Variants in NRAP observed in about 807,000 individuals in gnomAD.
The protein encoded by NRAP is nebulin related anchoring protein, also known as nebulin-related-anchoring protein.
A neutral mutation model predicts 225.9 loss-of-function variants in NRAP; 189 were observed. The ratio of observed to expected loss-of-function variants is 0.84; its 90% CI spans 0.74 to 0.94. The LOEUF is 0.94. NRAP is among the 40% of genes least tolerant of loss of function. The probability of loss-of-function intolerance (pLI) is 0.00; values close to 1 mark genes in which losing one functional copy is unlikely to be tolerated. For missense variants in NRAP, 2,176 were observed against 2,168.7 expected, an observed-to-expected ratio of 1.00 and a Z score of -0.07; for synonymous variants, 769 against 790.7, an observed-to-expected ratio of 0.97 and a Z score of 0.46.
rs371768796 is a variant in NRAP, at chr10:113,612,222, A to G, written c.3498+12T>C. On this transcript the variant is annotated intron_variant, in intron 30 of 41. Coordinates refer to ENST00000359988, the MANE Select transcript of NRAP (RefSeq NM_198060.4). ...AAGAAGGGGCCCTGAGAAAGAGGCC[A>G]GGTCTCCTTACCTCACTCTGCAATT... 6.2e-7 allele frequency: 1 copy of G among 1,612,704 alleles called. No individual in the cohort carries two copies. Among genetic ancestry groups the G allele is most frequent in the Non-Finnish European group, 8.5e-7 (1 of 1,178,790 alleles).
In NRAP at chr10:113,662,600, T is replaced by C. The variant is rs1327018890; in HGVS notation, c.255+79A>G. On this transcript the variant is annotated intron_variant, in intron 3 of 41. Transcript: ENST00000359988. ...ACTGTGCCTGGCTAGAATATATTCC[T>C]TTTATCTATTTGCATGTTTCTACCC... 5.9e-6 allele frequency: 5 copies of C among 851,154 alleles called. No homozygotes were observed. In the Admixed American group the frequency reaches 9.0e-5, roughly 15 times the overall value. The allele number at this position is 851,154 out of a possible 1,614,324, so 52.7% of individuals were successfully genotyped here.
At chr10:113,606,929 G>A (rs550027834) in intron 32 of NRAP, among the ~76,000 whole-genome samples, 2 of 152,236 alleles carry the variant, frequency 1.3e-5, no homozygotes, top group African/African-American at 2.4e-5. Context: ...AGGGCCAGGC[G>A]TGGTGGTTCA....
In NRAP at chr10:113,620,618, C is replaced by A. The variant is rs201778237; in HGVS notation, c.2860G>T (p.Glu954Ter). 1 of 1,610,960 alleles carries A rather than the reference C, an allele frequency of 6.2e-7. No homozygotes were observed. Among genetic ancestry groups the A allele is most frequent in the East Asian group, 2.2e-5 (1 of 44,862 alleles). ...LNVEQAKKAG[E>*]LISEKKYRQH... Reference sequence around the variant, plus strand: ...GGAAATCTCACCTCGCTAATGAGTTCTCCTGCCTTCTTCGCCTGCTCCACA... The same window carrying A: ...GGAAATCTCACCTCGCTAATGAGTTATCCTGCCTTCTTCGCCTGCTCCACA... The change falls in exon 25 of 42, where the codon GAA becomes TAA. Residue 954 changes from glutamate (E) to a stop codon, truncating the protein, a stop_gained. Coordinates refer to ENST00000359988, the MANE Select transcript of NRAP (RefSeq NM_198060.4). LOFTEE classifies it high-confidence loss of function.
In NRAP at chr10:113,652,966, C is replaced by T. The variant is rs1850074755; in HGVS notation, c.539G>A (p.Arg180Lys). ...FPAMITPAYQ[R>K]AKKANQLASQ... ...GGCCAGCTGGTTGGCTTTCTTGGCC[C>T]TTTGATAAGCAGGTGTGATCATGGC... Residue 180 changes from arginine (R) to lysine (K), a missense_variant, in exon 6 of 42, where the codon AGG becomes AAG. By Grantham distance (26) the Arg-to-Lys change is conservative. Coordinates refer to ENST00000359988, the MANE Select transcript of NRAP (RefSeq NM_198060.4). The T allele has an allele frequency of 4.3e-6, 7 of 1,613,288 alleles. No homozygotes were observed. Among genetic ancestry groups the T allele is most frequent in the African/African-American group, 1.3e-5 (1 of 74,942 alleles).
intron 35 of NRAP, among the ~76,000 whole-genome samples, chr10:113,599,897 C>T (rs1046347008): frequency 2.0e-5 from 3 of 152,176 alleles, no homozygotes; most frequent in Non-Finnish European, 2.9e-5. Flanking sequence ...AAGACCTCTT[C>T]GGATTCACAC....
At position 113,633,106 on chromosome 10, in the gene NRAP, G is replaced by C. The variant is rs1041563210; in HGVS notation, c.1610C>G (p.Thr537Ser). 15 of 1,597,494 alleles carry C rather than the reference G, an allele frequency of 9.4e-6. No individual in the cohort carries two copies. In the East Asian group the frequency reaches 3.3e-4, roughly 36 times the overall value. Reference protein sequence around the residue: ...QDVPQLVKAKTNAKLFSEVKY... With the variant: ...QDVPQLVKAKSNAKLFSEVKY... ...TACCTCACTGAAGAGTTTGGCATTG[G>C]TTTTGGCCTTCACCAGCTGAGGAAC... is the stretch of plus-strand genomic sequence containing the variant. Residue 537 changes from threonine (T) to serine (S), a missense_variant, in exon 16 of 42, where the codon ACC (threonine) becomes AGC (serine). Thr to Ser is a moderately conservative substitution (Grantham distance 58, BLOSUM62 1). Around this residue, in one of 3 missense-constraint regions of NRAP, gnomAD observed 1,708 missense variants for 1,695.5 expected, o/e 1.01. Coordinates refer to ENST00000359988, the MANE Select transcript of NRAP (RefSeq NM_198060.4).
intron 11 of NRAP, among the ~76,000 whole-genome samples, chr10:113,643,956 A>G (rs1849352887): frequency 6.6e-6 from 1 of 152,126 alleles, no homozygotes; most frequent in South Asian, 2.1e-4. Context: ...CAGCCTGGCC[A>G]GCAGACGGGG....
intron 35 of NRAP, among the ~76,000 whole-genome samples, chr10:113,604,210 G>A (rs949452320): frequency 7.9e-5 from 12 of 152,204 alleles, no homozygotes; most frequent in Middle Eastern, 3.4e-3. Context: ...TCTGCCTCTC[G>A]GGTTCAAGCG....
At chr10:113,623,666 G>C in intron 22 of NRAP, 30 bp from the exon 23 acceptor site, 1 of 1,477,886 alleles carries the variant, frequency 6.8e-7, no homozygotes, top group Non-Finnish European at 9.4e-7. Context: ...AAGGTGAGTG[G>C]GTTTTCATGT....
chr10:113,605,979 G>A (rs1003242240), intron 33 of NRAP, 110 bp from the exon 34 acceptor site: 2 of 897,780 alleles, frequency 2.2e-6, no homozygotes, highest in African/African-American at 3.3e-5. Context: ...TCTGTTTTGT[G>A]CAGCAAATCT....
In NRAP at chr10:113,622,104, A is replaced by G. The variant is rs1442684735; in HGVS notation, c.2534T>C (p.Met845Thr). The change falls in exon 24 of 42, where the codon ATG becomes ACG. Residue 845 changes from methionine to threonine, a missense_variant. By Grantham distance (81) the Met-to-Thr change is moderately conservative. Transcript: ENST00000359988. ...GAKDVQGDSQMSHSLQMSKLQ... is the reference protein window; with the variant it reads ...GAKDVQGDSQTSHSLQMSKLQ... The stretch of plus-strand genomic sequence containing the variant: ...CTTGGACATTTGCAGTGAGTGGCTC[A>G]TTTGCGAATCTCCCTGTACATCTTT... The G allele has an allele frequency of 1.2e-6, 2 of 1,613,916 alleles. No homozygotes were observed. The highest frequency in any genetic ancestry group is 2.7e-5 in the African/African-American group (2 of 75,014).
intron 27 of NRAP, 122 bp downstream of exon 27, chr10:113,615,590 A>C (rs1438739357): frequency 1.4e-6 from 1 of 690,464 alleles, no homozygotes; most frequent in African/African-American, 1.8e-5. Context: ...ACATATTTCA[A>C]GGTGGTGATG....
At chr10:113,606,137 G>T in intron 33 of NRAP, 41 bp downstream of exon 33, 1 of 1,395,518 alleles carries the variant, frequency 7.2e-7, no homozygotes, top group Non-Finnish European at 1.0e-6. Flanking sequence ...GACATACATG[G>T]CTTTGGAGCA....
chr10:113,616,237 C>T (rs551875683), intron 26 of NRAP, among the ~76,000 whole-genome samples: 2 of 152,264 alleles, frequency 1.3e-5, no homozygotes, highest in South Asian at 2.1e-4. Context: ...TCCGTTCCCC[C>T]GTCTCAAATA....
At position 113,646,974 on chromosome 10, in the gene NRAP, C is replaced by T; in HGVS notation, c.942G>A (p.Met314Ile). ...TGGCGTTCTGATATGCTGGAGTGAT[C>T]ATAGCTGGGAAGCTGCCCTTTCCCC... The part of the protein sequence containing the change: ...EHRGKGSFPA[M>I]ITPAYQNAKK... The change falls in exon 10 of 42, where the codon ATG becomes ATA. Residue 314 changes from methionine (M) to isoleucine (I), a missense_variant. Met to Ile is a conservative substitution (Grantham distance 10, BLOSUM62 1). Around this residue, in one of 3 missense-constraint regions of NRAP, gnomAD observed 1,708 missense variants for 1,695.5 expected, o/e 1.01. Coordinates refer to ENST00000359988, the MANE Select transcript of NRAP (RefSeq NM_198060.4). 2 of 1,614,124 alleles carry T rather than the reference C, an allele frequency of 1.2e-6. No individual in the cohort carries two copies. The highest frequency in any genetic ancestry group is 1.7e-6 in the Non-Finnish European group (2 of 1,179,986).
chr10:113,629,975 C>T (rs901146030), intron 18 of NRAP, among the ~76,000 whole-genome samples, 190 bp from the exon 19 acceptor site: 4 of 152,164 alleles, frequency 2.6e-5, no homozygotes, highest in Non-Finnish European at 5.9e-5. Context: ...AGCTGAGGTT[C>T]CATACTACTT....
At chr10:113,657,620 A>G in intron 3 of NRAP, 46 bp from the exon 4 acceptor site, 1 of 1,123,786 alleles carries the variant, frequency 8.9e-7, no homozygotes. Context: ...CAGAAAAGAG[A>G]AAAAAACATA....
At chr10:113,656,547 T>C (rs1435993050) in intron 4 of NRAP, among the ~76,000 whole-genome samples, 1 of 152,230 alleles carries the variant, frequency 6.6e-6, no homozygotes, top group Non-Finnish European at 1.5e-5. Flanking sequence ...TTATATAACA[T>C]ATATACATAT....
intron 25 of NRAP, among the ~76,000 whole-genome samples, chr10:113,619,523 G>A (rs1457631406): frequency 2.6e-5 from 4 of 151,706 alleles, no homozygotes; most frequent in South Asian, 2.1e-4. Flanking sequence ...TGAGAATGCC[G>A]TTCCATGGGA....
Sources: gnomAD v4.1 joint callset for allele counts (sites outside exome capture counted in the v4.1 genomes callset) on GRCh38, gnomAD v4.1.1 for gene constraint, gnomAD v4.1.1 regional missense constraint, MANE v1.5 for transcripts, NCBI Gene and HGNC (gene_info 2026-07-23, HGNC 2026-07-21) for gene names.